Variants in SYT14 observed in about 807,000 individuals in gnomAD.
SYT14 encodes the protein synaptotagmin 14, also known as synaptotagmin-14.
SYT14 carries 32 observed loss-of-function variants against 74.2 expected under a neutral mutation model. That is an observed-to-expected ratio of 0.43 (90% CI 0.33 to 0.58). The LOEUF (loss-of-function observed/expected upper bound fraction) is 0.58. Ranked by LOEUF, SYT14 falls within the 20% of genes least tolerant of loss-of-function variation. The pLI is 0.05. For missense variants in SYT14, 791 were observed against 981.8 expected, an observed-to-expected ratio of 0.81 and a Z score of 2.60; for synonymous variants, 298 against 337.7, an observed-to-expected ratio of 0.88 and a Z score of 1.29.
At chr1:209,992,553 T>G (rs533375167) in intron 2 of SYT14, among the ~76,000 whole-genome samples, 2 of 152,012 alleles carry the variant, frequency 1.3e-5, no homozygotes, top group African/African-American at 4.8e-5. Flanking sequence ...GAGAGAAGGA[T>G]GAGGGATGGG....
At chr1:209,986,474 G>A (rs2079571678) in intron 2 of SYT14, among the ~76,000 whole-genome samples, 4 of 152,048 alleles carry the variant, frequency 2.6e-5, no homozygotes, top group South Asian at 2.1e-4. Context: ...TTAGCCGGGC[G>A]AGGTGGCGGG....
At chr1:210,101,359 T>C (rs1295322048) in intron 7 of SYT14, among the ~76,000 whole-genome samples, 2 of 152,174 alleles carry the variant, frequency 1.3e-5, no homozygotes, top group African/African-American at 4.8e-5. Context: ...TATACTATTT[T>C]AGTGTTGTTT....
At chr1:210,126,889 C>T (rs762448613) in intron 7 of SYT14, among the ~76,000 whole-genome samples, 6 of 152,140 alleles carry the variant, frequency 3.9e-5, no homozygotes, top group Non-Finnish European at 8.8e-5. Context: ...TGTTAACTCA[C>T]TTAAAATTTC....
chr1:210,076,254 G>A (rs1357756356), intron 5 of SYT14, among the ~76,000 whole-genome samples: 1 of 152,096 alleles, frequency 6.6e-6, no homozygotes, highest in Non-Finnish European at 1.5e-5. Context: ...TGAAATTTAA[G>A]GTGCTCTTAC....
chr1:209,977,412 A>C (rs1396508165), intron 2 of SYT14, among the ~76,000 whole-genome samples: 1 of 152,134 alleles, frequency 6.6e-6, no homozygotes, highest in East Asian at 1.9e-4. Context: ...TAGTGACAAA[A>C]TCTCTCACCG....
At chr1:210,112,556 A>G (rs2082283591) in intron 7 of SYT14, among the ~76,000 whole-genome samples, 1 of 151,150 alleles carries the variant, frequency 6.6e-6, no homozygotes, top group Non-Finnish European at 1.5e-5. Flanking sequence ...TTTGGGAGTG[A>G]CCGATGAGAA....
intron 2 of SYT14, among the ~76,000 whole-genome samples, chr1:209,992,082 C>G (rs1368837986): frequency 6.6e-6 from 1 of 152,132 alleles, no homozygotes; most frequent in Non-Finnish European, 1.5e-5. Flanking sequence ...TTCACAATGG[C>G]AAAGATATGG....
intron 5 of SYT14, among the ~76,000 whole-genome samples, chr1:210,084,667 T>G (rs2081685900): frequency 1.3e-5 from 2 of 152,222 alleles, no homozygotes; most frequent in African/African-American, 2.4e-5. Flanking sequence ...CCTTGCCAGG[T>G]GAAGACAACC....
At chr1:210,064,933 C>T (rs2081269834) in intron 5 of SYT14, among the ~76,000 whole-genome samples, 1 of 151,952 alleles carries the variant, frequency 6.6e-6, no homozygotes. Flanking sequence ...CTTGTTATTC[C>T]TTGCTTAGTT....
chr1:210,145,783 C>T (rs1015343708), intron 7 of SYT14, among the ~76,000 whole-genome samples: 3 of 152,154 alleles, frequency 2.0e-5, no homozygotes, highest in African/African-American at 7.2e-5. Flanking sequence ...GTGTGAAATG[C>T]CCTTCCCTAT....
At chr1:209,981,349 A>T (rs1048062307) in intron 2 of SYT14, among the ~76,000 whole-genome samples, 3 of 151,996 alleles carry the variant, frequency 2.0e-5, no homozygotes, top group African/African-American at 7.2e-5. Flanking sequence ...CTTGGTTGGA[A>T]AAAGATTTTA....
chr1:210,165,066 G>A (rs2083441635), exon 10 of SYT14: 1 of 152,130 alleles, frequency 6.6e-6, no homozygotes, highest in Non-Finnish European at 1.5e-5. Flanking sequence ...TGTGAGGTAA[G>A]TAATGTTATC....
At chr1:209,990,911 C>G (rs2079672342) in intron 2 of SYT14, among the ~76,000 whole-genome samples, 1 of 151,798 alleles carries the variant, frequency 6.6e-6, no homozygotes, top group Non-Finnish European at 1.5e-5. Context: ...TGTTAGTAAC[C>G]AAAATAGCAT....
At chr1:210,120,208 G>A (rs2082431212) in intron 7 of SYT14, among the ~76,000 whole-genome samples, 1 of 151,754 alleles carries the variant, frequency 6.6e-6, no homozygotes, top group Admixed American at 6.6e-5. Context: ...GGTGCACATA[G>A]TTTTGTTATA....
chr1:210,005,382 A>G (rs1483476034), intron 2 of SYT14, among the ~76,000 whole-genome samples: 1 of 151,970 alleles, frequency 6.6e-6, no homozygotes, highest in Non-Finnish European at 1.5e-5. Context: ...TGTAGTTGAC[A>G]TCACAGATTG....
At chr1:210,131,468 A>G (rs537882919) in intron 7 of SYT14, among the ~76,000 whole-genome samples, 1 of 152,128 alleles carries the variant, frequency 6.6e-6, no homozygotes, top group African/African-American at 2.4e-5. Context: ...ACTATACTAA[A>G]TATCTTTCAT....
intron 7 of SYT14, among the ~76,000 whole-genome samples, chr1:210,119,944 G>A (rs1455572679): frequency 6.6e-6 from 1 of 152,184 alleles, no homozygotes; most frequent in South Asian, 2.1e-4. Flanking sequence ...GAGATAAAAC[G>A]GGTGTCCTTA....
At chr1:210,109,622 G>A (rs1172194160) in intron 7 of SYT14, among the ~76,000 whole-genome samples, 1 of 150,888 alleles carries the variant, frequency 6.6e-6, no homozygotes, top group Non-Finnish European at 1.5e-5. Flanking sequence ...ACAACAAAAA[G>A]GAAACAACAG....
chr1:209,995,587 CT>C (rs931621903), intron 2 of SYT14, among the ~76,000 whole-genome samples: 9 of 152,134 alleles, frequency 5.9e-5, no homozygotes, highest in Admixed American at 1.3e-4. Flanking sequence ...AGGCAGAAAA[CT>C]AACAATGAAA....
Sources: allele counts gnomAD v4.1 joint callset (sites outside exome capture counted in the v4.1 genomes callset), GRCh38; gene constraint gnomAD v4.1.1; transcripts MANE v1.5; gene names NCBI Gene and HGNC (gene_info 2026-07-23, HGNC 2026-07-21).